TRMT44: variants seen among roughly 807,000 people sequenced by gnomAD.
TRMT44 encodes tRNA methyltransferase 44 homolog.
TRMT44 carries 78 observed loss-of-function variants against 77.3 expected under a neutral mutation model. That is an observed-to-expected ratio of 1.01 (90% CI 0.84 to 1.22). TRMT44 has a LOEUF of 1.22. Among genes scored for constraint, TRMT44 ranks in the 50% most tolerant of loss-of-function variants. The probability of loss-of-function intolerance (pLI) is 0.00; values close to 1 mark genes in which losing one functional copy is unlikely to be tolerated. For synonymous variants in TRMT44, 391 were observed against 383.3 expected (o/e 1.02, Z -0.23); for missense variants, 1,090 against 964.4 (o/e 1.13, Z -1.73).
intron 3 of TRMT44, among the ~76,000 whole-genome samples, chr4:8,450,668 A>T (rs981270032): frequency 3.3e-5 from 5 of 152,248 alleles, no homozygotes; most frequent in African/African-American, 4.8e-5. Context: ...CCCCCAATAC[A>T]TCTGTGTGTT....
At chr4:8,465,907 C>T (rs987869807) in intron 8 of TRMT44, among the ~76,000 whole-genome samples, 9 of 152,222 alleles carry the variant, frequency 5.9e-5, no homozygotes, top group Admixed American at 2.6e-4. Flanking sequence ...TCCTTCAAGT[C>T]GCAGATAATT....
At chr4:8,450,354 A>G (rs1213521820) in intron 3 of TRMT44, among the ~76,000 whole-genome samples, 13 of 152,146 alleles carry the variant, frequency 8.5e-5, no homozygotes, top group African/African-American at 2.4e-5. Context: ...AGACAGATAT[A>G]TAATGGAAAA....
At chr4:8,450,026 G>T (rs935929903) in intron 3 of TRMT44, 138 bp downstream of exon 3, 2 of 495,356 alleles carry the variant, frequency 4.0e-6, no homozygotes, top group Non-Finnish European at 6.8e-6. Flanking sequence ...GAGTGAAGTG[G>T]TGTGATCTTG....
In TRMT44 at chr4:8,476,189, G is replaced by A; in HGVS notation, c.*188G>A. ...CACGCCAGAGAAGCCACAGTTACTC[G>A]GAAGCCCCCAGCTGACTGCCTGGCT... is the stretch of plus-strand genomic sequence containing the variant. On this transcript the variant is annotated 3_prime_UTR_variant, in exon 11 of 11. Transcript: ENST00000389737. The A allele has an allele frequency of 6.5e-6, 4 of 619,970 alleles. No individual in the cohort carries two copies. The highest frequency in any genetic ancestry group is 2.0e-5 in the South Asian group (1 of 50,248). The allele number at this position is 619,970 out of a possible 1,614,324, so 38.4% of individuals were successfully genotyped here.
chr4:8,515,273 AT>A, the TRMT44 span, among the ~76,000 whole-genome samples: 1 of 152,076 alleles, frequency 6.6e-6, no homozygotes, highest in South Asian at 2.1e-4. Context: ...GGCTTCACTT[AT>A]TTATTTACCA....
In TRMT44 at chr4:8,484,721, A is replaced by G. The variant is rs147022660; in HGVS notation, n.3891+5188A>G. ...GGAGTGGGGAAAGGATTTAGGATCT[A>G]TGGGGTCAACTAGGTTTCCTTTTGT... On this transcript the variant is annotated intron_variant and non_coding_transcript_variant, in intron 2 of 2. Coordinates refer to the TRMT44 transcript ENST00000511366. Among the ~76,000 whole-genome samples, 16 of 152,258 alleles carry G rather than the reference A, an allele frequency of 1.1e-4. No individual in the cohort carries two copies. The East Asian group carries it at 2.3e-3, about 22-fold the overall frequency.
At chr4:8,469,915 C>T (rs539713214) in intron 9 of TRMT44, among the ~76,000 whole-genome samples, 91 of 152,352 alleles carry the variant, frequency 6.0e-4, no homozygotes, top group African/African-American at 2.1e-3. Context: ...CCTAGCTCGG[C>T]GTCTGTCCCT....
At chr4:8,485,142 C>T (rs556904255) in intron 2 of TRMT44, among the ~76,000 whole-genome samples, 77 of 152,294 alleles carry the variant, frequency 5.1e-4, no homozygotes, top group African/African-American at 1.8e-3. Context: ...GTCCCTGAAA[C>T]CTTGAGGCAG....
the TRMT44 span, among the ~76,000 whole-genome samples, chr4:8,502,335 G>A: frequency 6.6e-6 from 1 of 152,250 alleles, no homozygotes. Context: ...TGATGAAGCA[G>A]GGGGTCAGGT....
Position 8,452,132 on chromosome 4 carries a change from CT to C in TRMT44, c.1023+105del. The C allele has an allele frequency of 4.8e-6, 5 of 1,037,510 alleles. No homozygotes were observed. The highest frequency in any genetic ancestry group is 7.2e-6 in the Non-Finnish European group (5 of 698,110). 64.3% of individuals were successfully genotyped at this position (1,037,510 alleles called of 1,614,324 possible). ...TTTTCCAAATCCATAACTGCCGGTG[CT>C]CACAATTCTGCTGGCCAAGGTTGGT... On this transcript the variant is annotated intron_variant, in intron 4 of 10. Transcript: ENST00000389737. The surrounding 1 kb of genome is among the most constrained non-coding windows in gnomAD (Gnocchi z 5.7).
intron 6 of TRMT44, among the ~76,000 whole-genome samples, chr4:8,456,949 G>A (rs1371914652): frequency 2.0e-5 from 3 of 151,920 alleles, no homozygotes; most frequent in Non-Finnish European, 4.4e-5. Flanking sequence ...CACTTTGGGA[G>A]CCCAAGGCTG....
At chr4:8,502,898 T>C in the TRMT44 span, among the ~76,000 whole-genome samples, 1 of 152,162 alleles carries the variant, frequency 6.6e-6, no homozygotes, top group Non-Finnish European at 1.5e-5. Flanking sequence ...TGCCCACCAC[T>C]CTCTGGATTG....
chr4:8,449,949 C>CTTTTTTTTTCTTTTT, intron 3 of TRMT44, 61 bp downstream of exon 3: 5 of 238,678 alleles, frequency 2.1e-5, no homozygotes, highest in Non-Finnish European at 1.8e-5. Context: ...CTTTTCTTTT[C>CTTTTTTTTTCTTTTT]TTTTTTTTTT....
At chr4:8,448,621 C>T (rs957471402) in intron 2 of TRMT44, among the ~76,000 whole-genome samples, 4 of 152,364 alleles carry the variant, frequency 2.6e-5, no homozygotes, top group East Asian at 1.9e-4. Flanking sequence ...CCAGCAGGAA[C>T]GCTTCTGGAC....
chr4:8,442,110 C>T (rs774059671), intron 1 of TRMT44, among the ~76,000 whole-genome samples: 87 of 152,220 alleles, frequency 5.7e-4, no homozygotes, highest in Non-Finnish European at 1.1e-3. Context: ...GAGTGTCTTT[C>T]TCCTTGAACA....
At chr4:8,462,529 A>C (rs536304754) in intron 6 of TRMT44, among the ~76,000 whole-genome samples, 27 of 151,920 alleles carry the variant, frequency 1.8e-4, no homozygotes, top group African/African-American at 6.3e-4. Context: ...ACATGGTGAA[A>C]CCCCATCTCT....
At chr4:8,454,266 C>T (rs1725644160) in intron 5 of TRMT44, 1 of 155,812 alleles carries the variant, frequency 6.4e-6, no homozygotes, top group Admixed American at 6.3e-5. Context: ...ATCTTGAACT[C>T]CATGTCCCAT....
chr4:8,441,181 C>T lies in TRMT44; in HGVS notation c.359C>T (p.Pro120Leu). The change falls in exon 1 of 11, where the codon CCC (proline) becomes CTC (leucine). Residue 120 changes from proline to leucine, a missense_variant. By Grantham distance (98) the Pro-to-Leu change is moderately conservative. Transcript: ENST00000389737. ...EEAQREAASV[P>L]LRDSGHPGHA... The stretch of plus-strand genomic sequence containing the variant: ...GCACAGAGGGAAGCCGCCTCAGTGC[C>T]CCTGAGGGACTCCGGGCACCCCGGC... 6.5e-7 allele frequency: 1 copy of T among 1,534,226 alleles called. No individual in the cohort carries two copies. Among genetic ancestry groups the T allele is most frequent in the South Asian group, 1.2e-5 (1 of 83,662 alleles).
chr4:8,470,893 G>A lies in TRMT44; in HGVS notation c.1928-191G>A, dbSNP rs562584346. On this transcript the variant is annotated intron_variant, in intron 9 of 10. Coordinates refer to ENST00000389737, the MANE Select transcript of TRMT44 (RefSeq NM_152544.3). ...CTTGTCAGGCTGTGCCACCTTAGCT[G>A]GGTGGGGACGCCACGGCCCTCACGG... The A allele has an allele frequency of 1.8e-4, 97 of 525,380 alleles. No homozygotes were observed. In the South Asian group the frequency reaches 2.5e-3, roughly 14 times the overall value. 32.5% of individuals were successfully genotyped at this position (525,380 alleles called of 1,614,324 possible).
Sources: gnomAD v4.1 joint callset for allele counts (sites outside exome capture counted in the v4.1 genomes callset) on GRCh38, gnomAD v4.1.1 for gene constraint, Gnocchi (gnomAD v3.1) non-coding constraint, MANE v1.5 for transcripts, NCBI Gene and HGNC (gene_info 2026-07-23, HGNC 2026-07-21) for gene names.